Variants in GAB2 observed in about 807,000 individuals in gnomAD.
GAB2 encodes the protein GRB2 associated binding protein 2.
A neutral mutation model predicts 65.5 loss-of-function variants in GAB2; 26 were observed. That is an observed-to-expected ratio of 0.40 (90% CI 0.29 to 0.55). The LOEUF (loss-of-function observed/expected upper bound fraction) is 0.55, where lower values mean the gene tolerates loss of function less well. Ranked by LOEUF, GAB2 falls within the 20% of genes least tolerant of loss-of-function variation. The pLI, the probability that GAB2 is intolerant of heterozygous loss-of-function variation, is 0.53. For missense variants in GAB2, 884 were observed against 875.8 expected (o/e 1.01, Z -0.12); for synonymous variants, 321 against 329.6 (o/e 0.97, Z 0.28).
intron 1 of GAB2, among the ~76,000 whole-genome samples, chr11:78,336,510 GT>G (rs1205368395): frequency 6.8e-6 from 1 of 146,696 alleles, no homozygotes; most frequent in Admixed American, 6.8e-5. Flanking sequence ...AAGTCTTTAG[GT>G]TTTTCCAAAT....
intron 1 of GAB2, among the ~76,000 whole-genome samples, chr11:78,378,563 T>C (rs1856661148): frequency 1.3e-5 from 2 of 152,224 alleles, no homozygotes; most frequent in African/African-American, 4.8e-5. Flanking sequence ...GGTTCTCTCT[T>C]TCTCCCTTCA....
chr11:78,343,075 T>TA (rs369219820), intron 1 of GAB2, among the ~76,000 whole-genome samples: 310 of 152,256 alleles, frequency 2.0e-3, no homozygotes, highest in African/African-American at 6.5e-3. Flanking sequence ...TTTTATTGAA[T>TA]AACCCACTAA....
intron 1 of GAB2, among the ~76,000 whole-genome samples, chr11:78,310,467 C>G (rs1218013431): frequency 6.9e-6 from 1 of 144,952 alleles, no homozygotes; most frequent in Non-Finnish European, 1.5e-5. Context: ...GAGCCAAGAT[C>G]GTGCCACTTG....
chr11:78,366,083 G>T (rs1417469985), intron 1 of GAB2, among the ~76,000 whole-genome samples: 1 of 152,112 alleles, frequency 6.6e-6, no homozygotes, highest in African/African-American at 2.4e-5. Context: ...ACTATAAGGT[G>T]GTGTAGAGTT....
intron 1 of GAB2, among the ~76,000 whole-genome samples, chr11:78,380,397 G>C (rs193295833): frequency 2.0e-5 from 3 of 152,206 alleles, no homozygotes; most frequent in Non-Finnish European, 4.4e-5. Context: ...TAGAGACAGG[G>C]GTTTCACCAC....
At chr11:78,339,131 G>A (rs1856052160) in intron 1 of GAB2, among the ~76,000 whole-genome samples, 1 of 151,810 alleles carries the variant, frequency 6.6e-6, no homozygotes, top group African/African-American at 2.4e-5. Flanking sequence ...TTGCCATGTT[G>A]GCCAGGCTGG....
chr11:78,329,092 A>G (rs1350221673), intron 1 of GAB2, among the ~76,000 whole-genome samples: 1 of 152,246 alleles, frequency 6.6e-6, no homozygotes, highest in Non-Finnish European at 1.5e-5. Flanking sequence ...TAAGTGATAC[A>G]GCAAGCATAG....
intron 1 of GAB2, among the ~76,000 whole-genome samples, chr11:78,369,592 G>C (rs943622077): frequency 3.3e-5 from 5 of 152,198 alleles, no homozygotes; most frequent in Admixed American, 1.3e-4. Flanking sequence ...CTGCAAAACA[G>C]GTGTGTTGGT....
rs181774277 is a variant in GAB2, at chr11:78,326,182, T to C, written c.76-45281A>G. Among the ~76,000 whole-genome samples the C allele has an allele frequency of 6.0e-3, 918 of 152,366 alleles. 2 individuals carry two copies. Among genetic ancestry groups the C allele is most frequent in the Non-Finnish European group, 0.01 (681 of 68,030 alleles). ...TATCTTGGAGCTTATTCTATATCCA[T>C]ATCTAAATAACTTCATTAGTTTTTA... On this transcript the variant is annotated intron_variant, in intron 1 of 9. Transcript: ENST00000361507.
rs151116876 is a variant in GAB2 at position 78,409,976 on chromosome 11, G to GA, written c.75+7669dup. 4.2e-3 allele frequency among the ~76,000 whole-genome samples: 632 copies of GA among 151,972 alleles called. 1 individual carries two copies. Among genetic ancestry groups the GA allele is most frequent in the Admixed American group, 6.6e-3 (100 of 15,260 alleles). ...AAAGACAGAAACAGAAAAATAATGG[G>GA]AAAATCTCCAAACATTTGGAAACTA... On this transcript the variant is annotated intron_variant, in intron 1 of 9. Coordinates refer to ENST00000361507, the MANE Select transcript of GAB2 (RefSeq NM_080491.3).
In GAB2 at chr11:78,306,240, A is replaced by ATT. The variant is rs564680718; in HGVS notation, c.76-25341_76-25340dup. ...TATACTTTTTTATTTTTATTTATTC[A>ATT]TTTTTTTTGAGATGGAGTCTCACTC... On this transcript the variant is annotated intron_variant, in intron 1 of 9. Coordinates refer to ENST00000361507, the MANE Select transcript of GAB2 (RefSeq NM_080491.3). Among the ~76,000 whole-genome samples, 8 of 151,904 alleles carry ATT rather than the reference A, an allele frequency of 5.3e-5. No homozygotes were observed. The East Asian group carries it at 1.5e-3, about 29-fold the overall frequency.
At chr11:78,339,081 C>T (rs978658317) in intron 1 of GAB2, among the ~76,000 whole-genome samples, 1 of 152,106 alleles carries the variant, frequency 6.6e-6, no homozygotes, top group Non-Finnish European at 1.5e-5. Context: ...TGTCACCACA[C>T]CCAGCTAATT....
chr11:78,226,742 C>T lies in GAB2; in HGVS notation c.930G>A (p.Leu310=). The T allele has an allele frequency of 1.2e-6, 2 of 1,614,016 alleles. No homozygotes were observed. The highest frequency in any genetic ancestry group is 1.3e-5 in the African/African-American group (1 of 75,002). ...NTLCREFGDL[L]VDNMDVPATP... is the part of the protein sequence containing the mutation. ...TGGCCGGAACATCCATATTGTCTAC[C>T]AGGAGGTCCCCGAACTCCCTGCACA... The change falls in exon 4 of 10, where the codon CTG becomes CTA. Residue 310 remains leucine (L), a synonymous_variant. Transcript: ENST00000361507.
intron 3 of GAB2, among the ~76,000 whole-genome samples, chr11:78,229,811 C>T (rs1864788091): frequency 6.6e-6 from 1 of 152,286 alleles, no homozygotes; most frequent in South Asian, 2.1e-4. Context: ...AAGCATTGGG[C>T]TTTGCTGCAT....
chr11:78,291,548 C>CTTTTT (rs1480308815), intron 1 of GAB2, among the ~76,000 whole-genome samples: 1 of 66,288 alleles, frequency 1.5e-5, no homozygotes, highest in East Asian at 4.1e-4. Flanking sequence ...GAGAGACTTA[C>CTTTTT]TTTTTTCTTT....
intron 1 of GAB2, among the ~76,000 whole-genome samples, chr11:78,376,734 C>T (rs1328334426): frequency 3.9e-5 from 6 of 152,038 alleles, no homozygotes; most frequent in East Asian, 1.9e-4. Flanking sequence ...AGGGGGGCAC[C>T]GAGACTGTGA....
intron 1 of GAB2, among the ~76,000 whole-genome samples, chr11:78,333,162 G>A (rs1855943829): frequency 6.6e-6 from 1 of 152,146 alleles, no homozygotes; most frequent in African/African-American, 2.4e-5. Flanking sequence ...CAATTACAAA[G>A]GAAAATCTTA....
intron 1 of GAB2, among the ~76,000 whole-genome samples, chr11:78,416,334 T>C (rs1857195246): frequency 6.6e-6 from 1 of 152,160 alleles, no homozygotes. Flanking sequence ...TGACACACAC[T>C]TGTACTCCGC....
At chr11:78,225,696 C>G (rs1423559100) in intron 4 of GAB2, among the ~76,000 whole-genome samples, 5 of 152,206 alleles carry the variant, frequency 3.3e-5, no homozygotes, top group Non-Finnish European at 4.4e-5. Flanking sequence ...AAACTAGGAG[C>G]TGGGACTCTA....
Sources: allele counts gnomAD v4.1 joint callset (sites outside exome capture counted in the v4.1 genomes callset), GRCh38; gene constraint gnomAD v4.1.1; transcripts MANE v1.5; gene names NCBI Gene and HGNC (gene_info 2026-07-23, HGNC 2026-07-21).